DENND1A: variants seen among roughly 807,000 people sequenced by gnomAD.
DENND1A encodes DENN domain-containing protein 1A.
In DENND1A, 51 loss-of-function variants were observed where a neutral mutation model predicts 113.7. That is an observed-to-expected ratio of 0.45 (90% CI 0.36 to 0.57). The LOEUF (loss-of-function observed/expected upper bound fraction) is 0.57. Among genes scored for constraint, DENND1A ranks in the 20% least tolerant of loss-of-function variants. The probability of loss-of-function intolerance (pLI) is 0.00; values close to 1 mark genes in which losing one functional copy is unlikely to be tolerated. For missense variants in DENND1A, 1,258 were observed against 1,395.9 expected, an observed-to-expected ratio of 0.90 and a Z score of 1.57; for synonymous variants, 565 against 570.8, an observed-to-expected ratio of 0.99 and a Z score of 0.14.
intron 2 of DENND1A, chr9:123,843,176 T>C: frequency 1.8e-6 from 1 of 551,682 alleles, no homozygotes; most frequent in Non-Finnish European, 3.7e-6. Flanking sequence ...TGTGCATATG[T>C]TCTGGTTTTG....
At chr9:123,609,381 A>G in intron 11 of DENND1A, 55 bp downstream of exon 11, 2 of 1,590,720 alleles carry the variant, frequency 1.3e-6, no homozygotes, top group Non-Finnish European at 1.7e-6. Context: ...CCACCGCCAC[A>G]CAATGAAACA....
At chr9:123,500,596 G>A (rs1336405232) in intron 13 of DENND1A, among the ~76,000 whole-genome samples, 1 of 152,096 alleles carries the variant, frequency 6.6e-6, no homozygotes, top group East Asian at 1.9e-4. Context: ...CCCCCTTCTG[G>A]GTCACTTGAA....
intron 19 of DENND1A, among the ~76,000 whole-genome samples, chr9:123,417,200 G>A (rs549008771): frequency 2.6e-5 from 4 of 152,356 alleles, no homozygotes; most frequent in East Asian, 1.9e-4. Flanking sequence ...TCCTGAAGAT[G>A]AAATGGGACC....
intron 19 of DENND1A, among the ~76,000 whole-genome samples, chr9:123,432,057 C>G (rs1366112573): frequency 2.6e-5 from 4 of 152,172 alleles, no homozygotes; most frequent in Non-Finnish European, 4.4e-5. Flanking sequence ...ACATCAGGAG[C>G]CCTGGCCTCA....
intron 9 of DENND1A, among the ~76,000 whole-genome samples, chr9:123,632,819 C>T (rs1371202271): frequency 6.6e-6 from 1 of 152,138 alleles, no homozygotes; most frequent in Non-Finnish European, 1.5e-5. Context: ...GTGCCTCTAG[C>T]AAACTCCTCC....
chr9:123,537,931 T>TA (rs796614706), intron 13 of DENND1A, among the ~76,000 whole-genome samples: 10 of 152,238 alleles, frequency 6.6e-5, no homozygotes, highest in African/African-American at 2.4e-4. Context: ...TGTCAGGCAA[T>TA]AAAAAATGAC....
At position 123,833,839 on chromosome 9, in the gene DENND1A, T is replaced by C. The variant is rs1564360491; in HGVS notation, c.89-41209A>G. Among the ~76,000 whole-genome samples, 2 of 152,132 alleles carry C rather than the reference T, an allele frequency of 1.3e-5. 1 individual carries two copies. The highest frequency in any genetic ancestry group is 4.1e-4 in the South Asian group (2 of 4,828). ...ACTTTGGGAGGCCAACATGGGCAGA[T>C]CACAAGGTCAAGAGATCGAGACCAT... On this transcript the variant is annotated intron_variant, in intron 2 of 23. Transcript: ENST00000394215.
At chr9:123,452,426 C>T (rs2047790768) in intron 16 of DENND1A, 79 bp from the exon 17 acceptor site, 9 of 1,147,972 alleles carry the variant, frequency 7.8e-6, no homozygotes, top group Non-Finnish European at 1.1e-5. Context: ...TCTCTTCAAT[C>T]GAGTTAAGCA....
intron 5 of DENND1A, among the ~76,000 whole-genome samples, chr9:123,733,970 G>A (rs987446337): frequency 6.6e-6 from 1 of 151,622 alleles, no homozygotes; most frequent in African/African-American, 2.4e-5. Context: ...CAGGCCTCTT[G>A]TTTGCTTCTT....
In DENND1A at chr9:123,792,695, T is replaced by C. The variant is rs2132056801; in HGVS notation, c.89-65A>G. ...TAGTGAGCAAGCAGAGGATCACACA[T>C]TAATATTTGATCAGAAGATGATAGC... On this transcript the variant is annotated intron_variant, in intron 2 of 23. Transcript: ENST00000394215. 4 of 1,566,530 alleles carry C rather than the reference T, an allele frequency of 2.6e-6. No individual in the cohort carries two copies. In the South Asian group the frequency reaches 3.4e-5, roughly 13 times the overall value.
intron 23 of DENND1A, among the ~76,000 whole-genome samples, chr9:123,383,208 A>G (rs927349603): frequency 1.3e-5 from 2 of 152,230 alleles, no homozygotes; most frequent in African/African-American, 4.8e-5. Context: ...AAACTGAGGC[A>G]CCGAGCGGGG....
intron 5 of DENND1A, among the ~76,000 whole-genome samples, chr9:123,725,136 TA>T (rs2067610618): frequency 6.6e-6 from 1 of 152,252 alleles, no homozygotes; most frequent in African/African-American, 2.4e-5. Flanking sequence ...CAAGCTTCAC[TA>T]ATTGTTAAAG....
At chr9:123,811,862 T>C (rs938006312) in intron 2 of DENND1A, among the ~76,000 whole-genome samples, 1 of 152,210 alleles carries the variant, frequency 6.6e-6, no homozygotes, top group Non-Finnish European at 1.5e-5. Flanking sequence ...CATGGAAAGT[T>C]GCCCTTTTTA....
intron 4 of DENND1A, among the ~76,000 whole-genome samples, chr9:123,768,736 A>T (rs1362869016): frequency 6.6e-6 from 1 of 151,400 alleles, no homozygotes; most frequent in African/African-American, 2.4e-5. Flanking sequence ...AAGAGTAGAC[A>T]TTTTTTGAAA....
At chr9:123,600,237 AG>A (rs1215201330) in intron 11 of DENND1A, among the ~76,000 whole-genome samples, 1 of 152,244 alleles carries the variant, frequency 6.6e-6, no homozygotes, top group African/African-American at 2.4e-5. Flanking sequence ...TTTCTTTGTA[AG>A]GGAAGGATAT....
chr9:123,761,758 A>G (rs2071061525), intron 4 of DENND1A, among the ~76,000 whole-genome samples: 1 of 152,214 alleles, frequency 6.6e-6, no homozygotes, highest in Admixed American at 6.5e-5. Context: ...AGGGAAGTCA[A>G]AGAGGTTAAC....
At chr9:123,609,608 C>T in intron 10 of DENND1A, 127 bp from the exon 11 acceptor site, 1 of 1,058,904 alleles carries the variant, frequency 9.4e-7, no homozygotes, top group Non-Finnish European at 1.3e-6. Flanking sequence ...TTTCCTTTCA[C>T]AACAAAAATC....
At position 123,757,927 on chromosome 9, in the gene DENND1A, T is replaced by A. The variant is rs1006494188; in HGVS notation, c.183-105A>T. 2.2e-6 allele frequency: 3 copies of A among 1,353,476 alleles called. No individual in the cohort carries two copies. In the African/African-American group the frequency reaches 4.7e-5, roughly 21 times the overall value. The allele number at this position is 1,353,476 out of a possible 1,614,324, so 83.8% of individuals were successfully genotyped here. ...GAACTTATAACATTTCCTCTCTCAG[T>A]GGAACTCTTAAAATTTACACATTTC... On this transcript the variant is annotated intron_variant, in intron 4 of 23. Transcript: ENST00000394215.
chr9:123,388,672 A>AC (rs1363550974), intron 21 of DENND1A, among the ~76,000 whole-genome samples: 3 of 152,130 alleles, frequency 2.0e-5, no homozygotes, highest in Non-Finnish European at 4.4e-5. Flanking sequence ...TGTGAGCTCT[A>AC]CCTCTATAAA....
Sources: allele counts gnomAD v4.1 joint callset (sites outside exome capture counted in the v4.1 genomes callset), GRCh38; gene constraint gnomAD v4.1.1; transcripts MANE v1.5; gene names NCBI Gene and HGNC (gene_info 2026-07-23, HGNC 2026-07-21).